The following PAX5 variants were observed in gnomAD, a reference collection of about 807,000 sequenced individuals.
The protein encoded by PAX5 is paired box protein Pax-5.
In PAX5, 9 loss-of-function variants were observed where a neutral mutation model predicts 43.7. The observed-to-expected ratio is 0.21, with a 90% confidence interval of 0.12 to 0.36. The LOEUF is 0.36. PAX5 is among the 10% of genes least tolerant of loss of function. The pLI is 1.00. For missense variants in PAX5, 383 were observed against 532.7 expected (o/e 0.72, Z 2.77); for synonymous variants, 228 against 214.3 (o/e 1.06, Z -0.56).
rs573037009 is a variant in PAX5 at position 37,004,379 on chromosome 9, A to G, written c.476-1603T>C. The stretch of plus-strand genomic sequence containing the variant: ...TTGATTCATTAAAACCTACAGACCA[A>G]TCTCAGACACACTTCCTTGGGCTAT... On this transcript the variant is annotated intron_variant, in intron 4 of 9. Coordinates refer to ENST00000358127, the MANE Select transcript of PAX5 (RefSeq NM_016734.3). Among the ~76,000 whole-genome samples the G allele has an allele frequency of 4.6e-5, 7 of 152,350 alleles. No homozygotes were observed. The South Asian group carries it at 1.4e-3, about 32-fold the overall frequency.
chr9:36,834,727 TC>T lies in PAX5; in HGVS notation c.*5832del, dbSNP rs565721577. The T allele has an allele frequency of 5.7e-4, 133 of 233,030 alleles. 1 individual carries two copies. Among genetic ancestry groups the T allele is most frequent in the Middle Eastern group, 1.3e-3 (1 of 784 alleles). The allele number at this position is 233,030 out of a possible 1,614,324, so 14.4% of individuals were successfully genotyped here. A position where few individuals can be genotyped will look rare whatever the true frequency, so the allele number is the denominator to read the frequency against. On this transcript the variant is annotated 3_prime_UTR_variant, in exon 10 of 10. Transcript: ENST00000358127. ...AAATGCGCCGTTTGTAAATCAAAAA[TC>T]CATCATCCAAAATCACTTGTTCTTA...
intron 6 of PAX5, among the ~76,000 whole-genome samples, chr9:36,929,321 G>C (rs1373198922): frequency 6.6e-6 from 1 of 152,108 alleles, no homozygotes; most frequent in African/African-American, 2.4e-5. Flanking sequence ...GAGAAAGAAA[G>C]AGAAGAGGAA....
rs1554689308 is a variant in PAX5, at chr9:37,034,097, T to TC, written c.-67dup. 1.1e-5 allele frequency: 7 copies of TC among 619,380 alleles called. No homozygotes were observed. The highest frequency in any genetic ancestry group is 1.6e-5 in the Non-Finnish European group (6 of 376,420). 38.4% of individuals were successfully genotyped at this position (619,380 alleles called of 1,614,324 possible). ...TTCCACTTTTTTGTGCCTTTTTTTTTCTTTTTTTTTTTTTTTTTTTTTTTT... is the reference window on the plus strand; with the variant it reads ...TTCCACTTTTTTGTGCCTTTTTTTTTCCTTTTTTTTTTTTTTTTTTTTTTTT... On this transcript the variant is annotated 5_prime_UTR_variant, in exon 1 of 10. Coordinates refer to ENST00000358127, the MANE Select transcript of PAX5 (RefSeq NM_016734.3).
At chr9:37,027,631 C>T (rs1304250467) in intron 1 of PAX5, among the ~76,000 whole-genome samples, 1 of 151,888 alleles carries the variant, frequency 6.6e-6, no homozygotes, top group Non-Finnish European at 1.5e-5. Context: ...GTCGCTAGCC[C>T]TCCGCCTGCT....
intron 6 of PAX5, among the ~76,000 whole-genome samples, chr9:36,924,984 G>A: frequency 6.6e-6 from 1 of 152,042 alleles, no homozygotes; most frequent in Non-Finnish European, 1.5e-5. Context: ...TTATGTCCTT[G>A]TCAGGGAGGG....
intron 6 of PAX5, among the ~76,000 whole-genome samples, chr9:36,934,005 G>A (rs56084540): frequency 0.28 from 42,102 of 152,076 alleles, 6,450 homozygotes; most frequent in Non-Finnish European, 0.34. Flanking sequence ...GCCCCAGGAA[G>A]GGCTTAGGTT....
intron 6 of PAX5, among the ~76,000 whole-genome samples, chr9:36,959,507 C>G (rs552985888): frequency 1.3e-5 from 2 of 152,182 alleles, no homozygotes; most frequent in South Asian, 2.1e-4. Flanking sequence ...TTGCCTCTTC[C>G]GCACAAACTC....
intron 8 of PAX5, among the ~76,000 whole-genome samples, chr9:36,869,194 C>A (rs1825185935): frequency 1.3e-5 from 2 of 152,122 alleles, no homozygotes; most frequent in African/African-American, 4.8e-5. Context: ...GGCTGCAGAT[C>A]CCAGCAAGCC....
chr9:36,933,640 C>T (rs984779200), intron 6 of PAX5, among the ~76,000 whole-genome samples: 38 of 152,338 alleles, frequency 2.5e-4, no homozygotes, highest in African/African-American at 8.9e-4. Context: ...ATGAAGGGCC[C>T]TGGCCACACA....
At chr9:36,986,324 G>T (rs1190751883) in intron 5 of PAX5, among the ~76,000 whole-genome samples, 1 of 147,086 alleles carries the variant, frequency 6.8e-6, no homozygotes, top group African/African-American at 2.4e-5. Context: ...TGCAGGGCGC[G>T]CCGCCGCCTC....
At chr9:36,973,741 C>T (rs1835179648) in intron 5 of PAX5, among the ~76,000 whole-genome samples, 1 of 152,156 alleles carries the variant, frequency 6.6e-6, no homozygotes, top group African/African-American at 2.4e-5. Context: ...CATGGTGGCT[C>T]ATGCCTGTAA....
intron 8 of PAX5, among the ~76,000 whole-genome samples, chr9:36,856,995 G>A (rs1016315515): frequency 6.6e-5 from 10 of 152,282 alleles, no homozygotes; most frequent in African/African-American, 2.4e-4. Flanking sequence ...TTGGCCCCAG[G>A]TTCTGCAGAG....
At chr9:36,939,065 T>C (rs1381631483) in intron 6 of PAX5, among the ~76,000 whole-genome samples, 1 of 152,230 alleles carries the variant, frequency 6.6e-6, no homozygotes, top group Non-Finnish European at 1.5e-5. Context: ...GGCCAGGGCC[T>C]TTCTGACAAG....
intron 6 of PAX5, among the ~76,000 whole-genome samples, chr9:36,931,392 C>T (rs1831110621): frequency 6.6e-6 from 1 of 152,212 alleles, no homozygotes; most frequent in African/African-American, 2.4e-5. Flanking sequence ...CTATCACTGG[C>T]CACATGACAA....
In PAX5 at chr9:36,838,179, G is replaced by C. The variant is rs979565751; in HGVS notation, c.*2381C>G. On this transcript the variant is annotated 3_prime_UTR_variant, in exon 10 of 10. Coordinates refer to ENST00000358127, the MANE Select transcript of PAX5 (RefSeq NM_016734.3). ...AACTACCTCCCTTCTTTGCCCCGCAGGTTCTGGGTGGGGGCGGGGGTGCAT... is the reference window on the plus strand; with the variant it reads ...AACTACCTCCCTTCTTTGCCCCGCACGTTCTGGGTGGGGGCGGGGGTGCAT... 1 of 233,412 alleles carries C rather than the reference G, an allele frequency of 4.3e-6. No individual in the cohort carries two copies. The allele number at this position is 233,412 out of a possible 1,614,324, so 14.5% of individuals were successfully genotyped here. A position where few individuals can be genotyped will look rare whatever the true frequency, so the allele number is the denominator to read the frequency against.
rs368306533 is a variant in PAX5, at chr9:36,860,375, A to AGATGACCAG, written c.1013-13455_1013-13447dup. ...ATCATCTGGGAAGCTTTAAAAATCC[A>AGATGACCAG]GATGACCAGGCCATATCTCATACTA... On this transcript the variant is annotated intron_variant, in intron 8 of 9. Coordinates refer to ENST00000358127, the MANE Select transcript of PAX5 (RefSeq NM_016734.3). Among the ~76,000 whole-genome samples the AGATGACCAG allele has an allele frequency of 1.0e-2, 1,520 of 152,230 alleles. 26 individuals are homozygous for AGATGACCAG. Among genetic ancestry groups the AGATGACCAG allele is most frequent in the African/African-American group, 0.035 (1,437 of 41,524 alleles).
chr9:36,917,323 C>T (rs1829803418), intron 7 of PAX5, among the ~76,000 whole-genome samples: 1 of 152,100 alleles, frequency 6.6e-6, no homozygotes, highest in African/African-American at 2.4e-5. Context: ...TCTTGCCAGG[C>T]TTGTAAGATA....
chr9:36,849,821 G>C (rs1822975719), intron 8 of PAX5, among the ~76,000 whole-genome samples: 1 of 152,210 alleles, frequency 6.6e-6, no homozygotes, highest in South Asian at 2.1e-4. Context: ...TACGCTCTGG[G>C]TAAGGGGCGT....
intron 5 of PAX5, among the ~76,000 whole-genome samples, chr9:36,971,595 A>G (rs1486313561): frequency 6.6e-6 from 1 of 152,228 alleles, no homozygotes; most frequent in Non-Finnish European, 1.5e-5. Context: ...AAAAGTACAA[A>G]GGTGTACAGG....
Sources: gnomAD v4.1 joint callset for allele counts (sites outside exome capture counted in the v4.1 genomes callset) on GRCh38, gnomAD v4.1.1 for gene constraint, MANE v1.5 for transcripts, NCBI Gene and HGNC (gene_info 2026-07-23, HGNC 2026-07-21) for gene names.